ZFAND3: variants seen among roughly 807,000 people sequenced by gnomAD.
ZFAND3 encodes the protein zinc finger AN1-type containing 3, also known as AN1-type zinc finger protein 3.
Under a neutral mutation model 29.6 loss-of-function variants are expected in ZFAND3, and 10 were observed. The ratio of observed to expected loss-of-function variants is 0.34; its 90% CI spans 0.21 to 0.57. The LOEUF (loss-of-function observed/expected upper bound fraction) is 0.57. Among genes scored for constraint, ZFAND3 ranks in the 20% least tolerant of loss-of-function variants. The pLI is 0.86. For missense variants in ZFAND3, 230 were observed against 304.5 expected (o/e 0.76, Z 1.82); for synonymous variants, 128 against 112.6 (o/e 1.14, Z -0.87).
intron 1 of ZFAND3, among the ~76,000 whole-genome samples, chr6:37,842,279 G>T (rs1349352810): frequency 6.6e-6 from 1 of 152,142 alleles, no homozygotes; most frequent in Non-Finnish European, 1.5e-5. Flanking sequence ...GCTCCAGAAA[G>T]GTTCCTCATG....
intron 2 of ZFAND3, among the ~76,000 whole-genome samples, chr6:38,040,332 G>C (rs890163255): frequency 6.6e-6 from 1 of 152,072 alleles, no homozygotes; most frequent in African/African-American, 2.4e-5. Context: ...TAACTATACA[G>C]CTCAGTATTT....
intron 1 of ZFAND3, among the ~76,000 whole-genome samples, chr6:37,824,060 G>A (rs1481711876): frequency 6.6e-6 from 1 of 152,210 alleles, no homozygotes; most frequent in Non-Finnish European, 1.5e-5. Flanking sequence ...ACCGGCGTGA[G>A]CCACCGCGCC....
intron 2 of ZFAND3, among the ~76,000 whole-genome samples, chr6:37,963,341 G>A (rs6917736): frequency 0.083 from 12,658 of 152,206 alleles, 637 homozygotes; most frequent in African/African-American, 0.14. Context: ...GGGATATAGC[G>A]AAAGCAGTAC....
At chr6:38,044,970 G>C (rs1278359448) in intron 2 of ZFAND3, among the ~76,000 whole-genome samples, 1 of 151,844 alleles carries the variant, frequency 6.6e-6, no homozygotes, top group Non-Finnish European at 1.5e-5. Flanking sequence ...AACTCCTCCT[G>C]TTTTTAGATC....
chr6:38,087,511 T>A (rs1279904812), intron 4 of ZFAND3, among the ~76,000 whole-genome samples: 9 of 151,800 alleles, frequency 5.9e-5, no homozygotes, highest in Admixed American at 2.6e-4. Flanking sequence ...TAATAATCGA[T>A]CAAAAAAACA....
intron 2 of ZFAND3, among the ~76,000 whole-genome samples, chr6:38,012,849 A>G (rs191198822): frequency 2.4e-4 from 36 of 152,274 alleles, no homozygotes; most frequent in Admixed American, 8.5e-4. Flanking sequence ...TCTTAAGTGT[A>G]CATCAGGAGG....
At chr6:38,011,676 A>G (rs984434921) in intron 2 of ZFAND3, among the ~76,000 whole-genome samples, 1 of 152,126 alleles carries the variant, frequency 6.6e-6, no homozygotes, top group African/African-American at 2.4e-5. Flanking sequence ...TGTAACTTGT[A>G]TGTTCTCAGA....
chr6:37,978,487 A>G (rs1352297391), intron 2 of ZFAND3, among the ~76,000 whole-genome samples: 1 of 152,002 alleles, frequency 6.6e-6, no homozygotes, highest in Non-Finnish European at 1.5e-5. Flanking sequence ...ATTTTCTGTT[A>G]GGGGTTTGTT....
chr6:37,864,378 A>G (rs1401496723), intron 1 of ZFAND3, among the ~76,000 whole-genome samples: 2 of 152,232 alleles, frequency 1.3e-5, no homozygotes, highest in African/African-American at 4.8e-5. Context: ...ATCCATCTCC[A>G]TAATTTCTTT....
chr6:37,991,340 TTTA>T (rs1324049390), intron 2 of ZFAND3, among the ~76,000 whole-genome samples: 6 of 151,752 alleles, frequency 4.0e-5, no homozygotes, highest in African/African-American at 1.5e-4. Flanking sequence ...TAAAATTTAT[TTTA>T]TTATTTATTA....
chr6:37,823,958 A>T (rs895327188), intron 1 of ZFAND3, among the ~76,000 whole-genome samples: 3 of 151,992 alleles, frequency 2.0e-5, no homozygotes, highest in Non-Finnish European at 4.4e-5. Context: ...CACCCAGCTA[A>T]TTTTTTATTT....
intron 4 of ZFAND3, among the ~76,000 whole-genome samples, chr6:38,095,835 C>T (rs1764966275): frequency 6.6e-6 from 1 of 151,998 alleles, no homozygotes; most frequent in Non-Finnish European, 1.5e-5. Flanking sequence ...AATTGGAGAC[C>T]AGCCTGGGCA....
rs528197232 is a variant in ZFAND3 at position 38,144,382 on chromosome 6, C to T, written c.530-7853C>T. 3.8e-4 allele frequency among the ~76,000 whole-genome samples: 58 copies of T among 152,016 alleles called. No homozygotes were observed. In the East Asian group the frequency reaches 9.9e-3, roughly 26 times the overall value. ...TGAGTTGAGATTTGGAGGGTCAACT[C>T]AGGATGCTTTGGGAGGTCTTGGATA... On this transcript the variant is annotated intron_variant, in intron 5 of 5. Transcript: ENST00000287218.
chr6:38,100,729 A>G (rs963429078), intron 4 of ZFAND3, among the ~76,000 whole-genome samples: 2 of 152,112 alleles, frequency 1.3e-5, no homozygotes, highest in Admixed American at 6.5e-5. Flanking sequence ...ATAGTTATGG[A>G]TTTTTCTTTT....
At chr6:37,899,967 T>C (rs893603373) in intron 1 of ZFAND3, among the ~76,000 whole-genome samples, 4 of 152,200 alleles carry the variant, frequency 2.6e-5, no homozygotes, top group Admixed American at 1.3e-4. Context: ...ATGATGTGTT[T>C]TATTGATTGT....
chr6:37,930,751 C>T (rs1451519549), intron 2 of ZFAND3, among the ~76,000 whole-genome samples: 5 of 152,224 alleles, frequency 3.3e-5, no homozygotes, highest in Admixed American at 3.3e-4. Flanking sequence ...TTTTAAAAAA[C>T]TTTCTATCTA....
intron 3 of ZFAND3, among the ~76,000 whole-genome samples, chr6:38,066,995 A>G (rs1202500858): frequency 6.6e-6 from 1 of 152,206 alleles, no homozygotes; most frequent in Non-Finnish European, 1.5e-5. Context: ...AAAAATATGT[A>G]AACAAAATTC....
At chr6:38,086,359 C>G (rs1371449391) in intron 4 of ZFAND3, among the ~76,000 whole-genome samples, 1 of 152,084 alleles carries the variant, frequency 6.6e-6, no homozygotes, top group Non-Finnish European at 1.5e-5. Context: ...CCACCCCACC[C>G]CTACCATCTT....
chr6:38,007,505 A>G (rs1382713717), intron 2 of ZFAND3, among the ~76,000 whole-genome samples: 2 of 152,186 alleles, frequency 1.3e-5, no homozygotes, highest in Non-Finnish European at 2.9e-5. Context: ...TGATTGTGCC[A>G]CTGCACTCCA....
Sources: gnomAD v4.1 joint callset for allele counts (sites outside exome capture counted in the v4.1 genomes callset) on GRCh38, gnomAD v4.1.1 for gene constraint, MANE v1.5 for transcripts, NCBI Gene and HGNC (gene_info 2026-07-23, HGNC 2026-07-21) for gene names.